ACTB: variants seen among roughly 807,000 people sequenced by gnomAD.
ACTB encodes actin, cytoplasmic 1.
ACTB carries 2 observed loss-of-function variants against 30.5 expected under a neutral mutation model. That is an observed-to-expected ratio of 0.07 (90% CI 0.03 to 0.21). ACTB has a LOEUF of 0.21. Among genes scored for constraint, ACTB ranks in the 10% least tolerant of loss-of-function variants. The pLI is 1.00. For synonymous variants in ACTB, 335 were observed against 217.6 expected (o/e 1.54, Z -4.75); for missense variants, 56 against 530.0 (o/e 0.11, Z 8.78).
At chr7:5,528,831 G>A (rs1784819709) in intron 3 of ACTB, 112 bp from the exon 4 acceptor site, 2 of 1,453,072 alleles carry the variant, frequency 1.4e-6, no homozygotes, top group South Asian at 2.3e-5. Context: ...CTGGGGTCTT[G>A]GGATGGGGAG....
Position 5,527,221 on chromosome 7 carries a change from C to T in ACTB, c.*527G>A. On this transcript the variant is annotated 3_prime_UTR_variant, in exon 6 of 6. Coordinates refer to ENST00000646664, the MANE Select transcript of ACTB (RefSeq NM_001101.5). Reference sequence around the variant, plus strand: ...CAGGTAAGCCCTGGCTGCCTCCACCCACTCCCAGGGAGACCAAAAGCCTTC... The same window carrying T: ...CAGGTAAGCCCTGGCTGCCTCCACCTACTCCCAGGGAGACCAAAAGCCTTC... 1 of 214,104 alleles carries T rather than the reference C, an allele frequency of 4.7e-6. No individual in the cohort carries two copies. The allele number at this position is 214,104 out of a possible 1,614,324, so 13.3% of individuals were successfully genotyped here.
In ACTB at chr7:5,528,722, G is replaced by A. The variant is rs1562719316; in HGVS notation, c.364-3C>T. 3 of 1,613,536 alleles carry A rather than the reference G, an allele frequency of 1.9e-6. No individual in the cohort carries two copies. Among genetic ancestry groups the A allele is most frequent in the Non-Finnish European group, 2.5e-6 (3 of 1,179,968 alleles). On this transcript the variant is annotated splice_polypyrimidine_tract_variant and splice_region_variant and intron_variant, in intron 3 of 5. Transcript: ENST00000646664. ...GTGTTGAAGGTCTCAAACATGATCT[G>A]TAAGGCAGAGATACACCATGTCACA...
At position 5,528,036 on chromosome 7, in the gene ACTB, T is replaced by C. The variant is rs1784803049; in HGVS notation, c.952A>G (p.Thr318Ala). The C allele has an allele frequency of 2.5e-6, 4 of 1,614,108 alleles. No homozygotes were observed. The change falls in exon 5 of 6, where the codon ACT (threonine) becomes GCT (alanine). Residue 318 changes from threonine (T) to alanine (A), a missense_variant. Thr to Ala is a moderately conservative substitution (Grantham distance 58). Coordinates refer to ENST00000646664, the MANE Select transcript of ACTB (RefSeq NM_001101.5). ...GIADRMQKEITALAPSTMKIK... is the reference protein window; with the variant it reads ...GIADRMQKEIAALAPSTMKIK... ...TTCATTGTGCTGGGTGCCAGGGCAG[T>C]GATCTCCTTCTGCATCCTGTCGGCA...
chr7:5,527,642 A>G lies in ACTB; in HGVS notation c.*106T>C, dbSNP rs1419667621. On this transcript the variant is annotated 3_prime_UTR_variant, in exon 6 of 6. Coordinates refer to ENST00000646664, the MANE Select transcript of ACTB (RefSeq NM_001101.5). The stretch of plus-strand genomic sequence containing the variant: ...TCAAGCCAAAAAAAAAAAAAAAACC[A>G]AAACAAAACAAAAAAAACAAATAAA... 3.8e-5 allele frequency: 59 copies of G among 1,544,978 alleles called. No individual in the cohort carries two copies. The highest frequency in any genetic ancestry group is 4.9e-5 in the Non-Finnish European group (56 of 1,137,956).
rs11546905 is a variant in ACTB at position 5,527,468 on chromosome 7, C to A, written c.*280G>T. 1 of 528,408 alleles carries A rather than the reference C, an allele frequency of 1.9e-6. No individual in the cohort carries two copies. The highest frequency in any genetic ancestry group is 3.7e-5 in the East Asian group (1 of 26,984). 32.7% of individuals were successfully genotyped at this position (528,408 alleles called of 1,614,324 possible). On this transcript the variant is annotated 3_prime_UTR_variant, in exon 6 of 6. Transcript: ENST00000646664. ...GGGTGGCTTTTAGGATGGCAAGGGA[C>A]TTCCTGTAACAACGCATCTCATATT...
At position 5,527,556 on chromosome 7, in the gene ACTB, G is replaced by A. The variant is rs2128241115; in HGVS notation, c.*192C>T. 1 of 872,592 alleles carries A rather than the reference G, an allele frequency of 1.1e-6. No individual in the cohort carries two copies. Among genetic ancestry groups the A allele is most frequent in the Non-Finnish European group, 1.8e-6 (1 of 570,818 alleles). 54.1% of individuals were successfully genotyped at this position (872,592 alleles called of 1,614,324 possible). A position where few individuals can be genotyped will look rare whatever the true frequency, so the allele number is the denominator to read the frequency against. ...AGTCCTCGGCCACATTGTGAACTTT[G>A]GGGGATGCTCGCTCCAACCGACTGC... On this transcript the variant is annotated 3_prime_UTR_variant, in exon 6 of 6. Coordinates refer to ENST00000646664, the MANE Select transcript of ACTB (RefSeq NM_001101.5).
In ACTB at chr7:5,528,801, A is replaced by T. The variant is rs1584262380; in HGVS notation, c.364-82T>A. 7.2e-6 allele frequency: 11 copies of T among 1,534,952 alleles called. 1 individual carries two copies. The East Asian group carries it at 2.5e-4, about 35-fold the overall frequency. ...CAGACGGGGGACATGCAGAAAGTGC[A>T]AAGAACACGGCTAAGTGTGCTGGGG... On this transcript the variant is annotated intron_variant, in intron 3 of 5. Transcript: ENST00000646664.
At chr7:5,530,234 C>G (rs1784862943) in intron 1 of ACTB, among the ~76,000 whole-genome samples, 1 of 151,976 alleles carries the variant, frequency 6.6e-6, no homozygotes, top group African/African-American at 2.4e-5. Flanking sequence ...CCCTGCGATC[C>G]CCATTGGCAA....
intron 1 of ACTB, chr7:5,529,916 G>T (rs930159630): frequency 2.3e-6 from 1 of 443,310 alleles, no homozygotes; most frequent in Non-Finnish European, 4.0e-6. Flanking sequence ...TTCAAACAGC[G>T]CCGGGTCGGC....
chr7:5,528,758 C>A (rs776587170), intron 3 of ACTB, 39 bp from the exon 4 acceptor site: 21 of 1,607,154 alleles, frequency 1.3e-5, no homozygotes, highest in Non-Finnish European at 1.7e-5. Context: ...CTGGGGAAGC[C>A]ACTGGGGACA....
At position 5,527,511 on chromosome 7, in the gene ACTB, A is replaced by C. The variant is rs1332419197; in HGVS notation, c.*237T>G. 1.4e-5 allele frequency: 9 copies of C among 664,498 alleles called. No individual in the cohort carries two copies. In the African/African-American group the frequency reaches 1.6e-4, roughly 12 times the overall value. The allele number at this position is 664,498 out of a possible 1,614,324, so 41.2% of individuals were successfully genotyped here. On this transcript the variant is annotated 3_prime_UTR_variant, in exon 6 of 6. Transcript: ENST00000646664. ...CTCATATTTGGAATGACTATTAAAA[A>C]AACAACAATGTGCAATCAAAGTCCT... is the stretch of plus-strand genomic sequence containing the variant.
intron 1 of ACTB, among the ~76,000 whole-genome samples, chr7:5,530,291 G>A (rs1181729024): frequency 2.0e-5 from 3 of 152,120 alleles, no homozygotes; most frequent in Admixed American, 6.5e-5. Context: ...CGCCCCGAGA[G>A]CGGCACCCCC....
rs370628413 is a variant in ACTB at position 5,528,203 on chromosome 7, G to T, written c.803-18C>A. 6.2e-7 allele frequency: 1 copy of T among 1,613,866 alleles called. No homozygotes were observed. Among genetic ancestry groups the T allele is most frequent in the Non-Finnish European group, 8.5e-7 (1 of 1,179,740 alleles). On this transcript the variant is annotated intron_variant, in intron 4 of 5. Transcript: ENST00000646664. ...CTCCATGCCTGAGAGGGAAATGAGG[G>T]CAGGACTTAGCTTCCACAGCACAGC...
intron 2 of ACTB, 54 bp downstream of exon 2, chr7:5,529,481 C>T (rs1475129649): frequency 2.5e-6 from 4 of 1,612,632 alleles, no homozygotes; most frequent in South Asian, 1.1e-5. Flanking sequence ...GCAGAGAAAG[C>T]GCCCTTGCCT....
chr7:5,527,558 G>A lies in ACTB; in HGVS notation c.*190C>T. On this transcript the variant is annotated 3_prime_UTR_variant, in exon 6 of 6. Transcript: ENST00000646664. ...TCCTCGGCCACATTGTGAACTTTGG[G>A]GGATGCTCGCTCCAACCGACTGCTG... 3 of 890,870 alleles carry A rather than the reference G, an allele frequency of 3.4e-6. No homozygotes were observed. In the South Asian group the frequency reaches 5.1e-5, roughly 15 times the overall value. 55.2% of individuals were successfully genotyped at this position (890,870 alleles called of 1,614,324 possible).
chr7:5,529,761 C>A (rs1414736434), intron 1 of ACTB, 98 bp from the exon 2 acceptor site: 13 of 1,576,566 alleles, frequency 8.2e-6, no homozygotes, highest in Middle Eastern at 1.7e-4. Flanking sequence ...CGCCGGCGCG[C>A]GCCCAGATTG....
intron 1 of ACTB, among the ~76,000 whole-genome samples, 177 bp downstream of exon 1, chr7:5,530,347 G>A (rs1784866452): frequency 6.6e-6 from 1 of 152,064 alleles, no homozygotes; most frequent in Non-Finnish European, 1.5e-5. Flanking sequence ...AACTGGCGTG[G>A]GGTGTCCCCC....
Position 5,530,474 on chromosome 7 carries a change from CCTGCGGCCGGGCCGTG to C in ACTB, c.-7+34_-7+49del, listed in dbSNP as rs879902502. 0.31 allele frequency: 41,361 copies of C among 135,250 alleles called. 5,770 individuals are homozygous for C. Among genetic ancestry groups the C allele is most frequent in the Middle Eastern group, 0.33 (95 of 284 alleles). The allele number at this position is 135,250 out of a possible 1,614,324, so 8.4% of individuals were successfully genotyped here. ...TGCACGGGCGAAGGGGCCGCGGCCG[CCTGCGGCCGGGCCGTG>C]AGCCGCCTGCCCCGGTCGGCTGGCC... On this transcript the variant is annotated intron_variant, in intron 1 of 5. Transcript: ENST00000646664.
Position 5,527,606 on chromosome 7 carries a change from T to C in ACTB, c.*142A>G, listed in dbSNP as rs1377460785. 1 of 1,332,914 alleles carries C rather than the reference T, an allele frequency of 7.5e-7. No individual in the cohort carries two copies. Among genetic ancestry groups the C allele is most frequent in the African/African-American group, 1.9e-5 (1 of 53,362 alleles). 82.6% of individuals were successfully genotyped at this position (1,332,914 alleles called of 1,614,324 possible). On this transcript the variant is annotated 3_prime_UTR_variant, in exon 6 of 6. Coordinates refer to ENST00000646664, the MANE Select transcript of ACTB (RefSeq NM_001101.5). ...CTGTCACCTTCACCGTTCCAGTTTT[T>C]AAATCCTGAGTCAAGCCAAAAAAAA...
Sources: allele counts gnomAD v4.1 joint callset (sites outside exome capture counted in the v4.1 genomes callset), GRCh38; gene constraint gnomAD v4.1.1; transcripts MANE v1.5; gene names NCBI Gene and HGNC (gene_info 2026-07-23, HGNC 2026-07-21).